The following ANXA8L1 variants were observed in gnomAD, a reference collection of about 807,000 sequenced individuals.
ANXA8L1 encodes annexin A8-like protein 1.
A neutral mutation model predicts 22.5 loss-of-function variants in ANXA8L1; 10 were observed. The ratio of observed to expected loss-of-function variants is 0.44; its 90% CI spans 0.27 to 0.75. The LOEUF (loss-of-function observed/expected upper bound fraction) is 0.75. Among genes scored for constraint, ANXA8L1 ranks in the 30% least tolerant of loss-of-function variants. ANXA8L1 has a pLI of 0.15. For synonymous variants in ANXA8L1, 36 were observed against 86.0 expected, an observed-to-expected ratio of 0.42 and a Z score of 3.22; for missense variants, 88 against 219.6, an observed-to-expected ratio of 0.40 and a Z score of 3.79.
In ANXA8L1 at chr10:46,381,373, T is replaced by A; in HGVS notation, c.207+133T>A. On this transcript the variant is annotated intron_variant, in intron 3 of 11. Coordinates refer to ENST00000619162, the MANE Select transcript of ANXA8L1 (RefSeq NM_001098845.3). ...GTAGCATGGGCACATGGAACCTGTTTGCATGAAAACAATTGTTCTTTATTG... is the reference window on the plus strand; with the variant it reads ...GTAGCATGGGCACATGGAACCTGTTAGCATGAAAACAATTGTTCTTTATTG... The A allele has an allele frequency of 1.0e-5, 11 of 1,053,034 alleles. 3 individuals are homozygous for A. The highest frequency in any genetic ancestry group is 1.3e-5 in the Non-Finnish European group (10 of 755,036). 65.2% of individuals were successfully genotyped at this position (1,053,034 alleles called of 1,614,324 possible).
intron 4 of ANXA8L1, 138 bp from the exon 5 acceptor site, chr10:46,383,318 C>T (rs1291968068): frequency 3.1e-5 from 47 of 1,516,502 alleles, no homozygotes; most frequent in Non-Finnish European, 3.9e-5. Context: ...ATGTGATTTT[C>T]TCATCACATC....
In ANXA8L1 at chr10:46,385,773, C is replaced by G; in HGVS notation, c.708C>G (p.Thr236=). The change falls in exon 9 of 12, where the codon ACC becomes ACG. Residue 236 remains threonine (T), a synonymous_variant. Transcript: ENST00000619162. Reference sequence around the variant, plus strand: ...TTGAGGACAGCATCAAGAGTGAGACCCATGGCTCACTGGAGGAGGCCATGC... The same window carrying G: ...TTGAGGACAGCATCAAGAGTGAGACGCATGGCTCACTGGAGGAGGCCATGC... ...KSIEDSIKSE[T]HGSLEEAMLT... 1 of 339,036 alleles carries G rather than the reference C, an allele frequency of 2.9e-6. No individual in the cohort carries two copies. The highest frequency in any genetic ancestry group is 5.4e-6 in the Non-Finnish European group (1 of 184,796). The allele number at this position is 339,036 out of a possible 1,614,324, so 21.0% of individuals were successfully genotyped here.
At chr10:46,383,267 G>A (rs1217559953) in intron 4 of ANXA8L1, among the ~76,000 whole-genome samples, 189 bp from the exon 5 acceptor site, 13 of 150,980 alleles carry the variant, frequency 8.6e-5, no homozygotes, top group Middle Eastern at 3.4e-3. Context: ...GGGCTTCCCC[G>A]TCACAGCACT....
chr10:46,389,558 T>G (rs1840053157), intron 11 of ANXA8L1, among the ~76,000 whole-genome samples: 1 of 151,196 alleles, frequency 6.6e-6, no homozygotes, highest in Non-Finnish European at 1.5e-5. Context: ...AGACCACAGA[T>G]GTCATTAAAG....
At chr10:46,378,905 G>A (rs1196208654) in intron 1 of ANXA8L1, among the ~76,000 whole-genome samples, 1 of 143,388 alleles carries the variant, frequency 7.0e-6, no homozygotes, top group Non-Finnish European at 1.5e-5. Flanking sequence ...TGGATGGATG[G>A]ATGGATGGGC....
chr10:46,384,844 G>C lies in ANXA8L1; in HGVS notation c.552+11G>C. The C allele has an allele frequency of 6.2e-7, 1 of 1,612,620 alleles. No individual in the cohort carries two copies. Among genetic ancestry groups the C allele is most frequent in the Non-Finnish European group, 8.5e-7 (1 of 1,179,782 alleles). On this transcript the variant is annotated intron_variant, in intron 7 of 11. Coordinates refer to ENST00000619162, the MANE Select transcript of ANXA8L1 (RefSeq NM_001098845.3). ...CTCCAAGACGCACAGGTGAGGCTGC[G>C]CCCAGCCGGCCATGTGGCCCCACCC...
At chr10:46,384,661 C>T in intron 6 of ANXA8L1, 113 bp from the exon 7 acceptor site, 2 of 1,592,888 alleles carry the variant, frequency 1.3e-6, no homozygotes, top group East Asian at 2.2e-5. Context: ...TCGAAGTTTC[C>T]ACAGCCAAAG....
Position 46,390,939 on chromosome 10 carries a change from A to G in ANXA8L1, c.*9A>G, listed in dbSNP as rs1554975610. ...TGGGCAGCGACCCCTGAGGCACAGA[A>G]GAACAAGAGCAAAGACCATGAAGCC... On this transcript the variant is annotated 3_prime_UTR_variant, in exon 12 of 12. Coordinates refer to ENST00000619162, the MANE Select transcript of ANXA8L1 (RefSeq NM_001098845.3). The G allele has an allele frequency of 2.9e-6, 4 of 1,402,344 alleles. 1 individual carries two copies. The highest frequency in any genetic ancestry group is 2.9e-6 in the Non-Finnish European group (3 of 1,027,734). 86.9% of individuals were successfully genotyped at this position (1,402,344 alleles called of 1,614,324 possible). A position where few individuals can be genotyped will look rare whatever the true frequency, so the allele number is the denominator to read the frequency against.
intron 7 of ANXA8L1, 118 bp from the exon 8 acceptor site, chr10:46,385,262 A>C (rs1273850489): frequency 2.1e-5 from 9 of 437,250 alleles, no homozygotes; most frequent in Non-Finnish European, 3.6e-5. Context: ...GCAGGGGAGC[A>C]TGCTGGCCTG....
At position 46,375,842 on chromosome 10, in the gene ANXA8L1, A is replaced by G. The variant is rs3006275; in HGVS notation, c.-10A>G. The G allele has an allele frequency of 2.3e-4, 362 of 1,604,838 alleles. 9 individuals carry two copies. In the African/African-American group the frequency reaches 3.9e-3, roughly 17 times the overall value. On this transcript the variant is annotated 5_prime_UTR_variant, in exon 1 of 12. Transcript: ENST00000619162. ...ATCTCCGTGAGAAAGGTGCCCCCGA[A>G]GTGAAAGAGATGGCCTGGTGGAAAG... is the stretch of plus-strand genomic sequence containing the variant.
chr10:46,387,179 C>A (rs1297505661), intron 9 of ANXA8L1, among the ~76,000 whole-genome samples: 2 of 80,806 alleles, frequency 2.5e-5, no homozygotes, highest in South Asian at 6.7e-4. Flanking sequence ...AGAGAGAGGG[C>A]ACTCTGAGGC....
At chr10:46,383,208 T>C (rs1839997213) in intron 4 of ANXA8L1, among the ~76,000 whole-genome samples, 1 of 142,456 alleles carries the variant, frequency 7.0e-6, no homozygotes, top group Non-Finnish European at 1.5e-5. Flanking sequence ...CTCCAGGACA[T>C]GGAGCAGCCT....
At chr10:46,376,495 G>T (rs1187359243) in intron 1 of ANXA8L1, among the ~76,000 whole-genome samples, 1 of 129,492 alleles carries the variant, frequency 7.7e-6, no homozygotes, top group African/African-American at 3.0e-5. Flanking sequence ...TGAACCTGCT[G>T]TTGGGGACCC....
chr10:46,390,455 T>C (rs141048532), intron 11 of ANXA8L1, among the ~76,000 whole-genome samples: 32,791 of 75,228 alleles, frequency 0.44, 7,911 homozygotes, highest in African/African-American at 0.66. Flanking sequence ...CCGGCCCTGC[T>C]CCCAGGTGTG....
intron 1 of ANXA8L1, among the ~76,000 whole-genome samples, chr10:46,376,686 C>T (rs1252800295): frequency 1.2e-4 from 13 of 112,988 alleles, no homozygotes; most frequent in Admixed American, 2.9e-4. Context: ...CTGAGGCCAT[C>T]GCTGTGCTAA....
At chr10:46,378,107 A>C (rs1379159897) in intron 1 of ANXA8L1, among the ~76,000 whole-genome samples, 22 of 110,344 alleles carry the variant, frequency 2.0e-4, no homozygotes, top group South Asian at 5.0e-4. Flanking sequence ...AGAACCAGCC[A>C]GGGAGCTGCT....
rs1220174327 is a variant in ANXA8L1 at position 46,390,760 on chromosome 10, C to T, written c.925-111C>T. ...CCTGCGGCTAGGAACCCTGGAGGGC[C>T]GGGCCAGGTGCAGGCCAGGGGCACA... On this transcript the variant is annotated intron_variant, in intron 11 of 11. Transcript: ENST00000619162. 8.3e-5 allele frequency: 74 copies of T among 892,746 alleles called. 8 individuals are homozygous for T. The highest frequency in any genetic ancestry group is 5.3e-4 in the East Asian group (21 of 39,402). 55.3% of individuals were successfully genotyped at this position (892,746 alleles called of 1,614,324 possible).
rs1325390566 is a variant in ANXA8L1, at chr10:46,375,822, C to T, written c.-30C>T. The T allele has an allele frequency of 1.5e-5, 24 of 1,608,660 alleles. No individual in the cohort carries two copies. Among genetic ancestry groups the T allele is most frequent in the East Asian group, 4.5e-5 (2 of 44,850 alleles). On this transcript the variant is annotated 5_prime_UTR_variant, in exon 1 of 12. Coordinates refer to ENST00000619162, the MANE Select transcript of ANXA8L1 (RefSeq NM_001098845.3). ...AGGCCAACCTGTGTCTCTTCATCTC[C>T]GTGAGAAAGGTGCCCCCGAAGTGAA...
chr10:46,385,527 G>A, intron 8 of ANXA8L1, 54 bp downstream of exon 8: 2 of 1,284,680 alleles, frequency 1.6e-6, no homozygotes, highest in South Asian at 2.5e-5. Context: ...CTGGCCATGA[G>A]CCTCTCCCTC....
Sources: allele counts gnomAD v4.1 joint callset (sites outside exome capture counted in the v4.1 genomes callset), GRCh38; gene constraint gnomAD v4.1.1; transcripts MANE v1.5; gene names NCBI Gene and HGNC (gene_info 2026-07-23, HGNC 2026-07-21).